Variants in LIFR observed in about 807,000 individuals in gnomAD.
LIFR encodes leukemia inhibitory factor receptor.
A neutral mutation model predicts 122.2 loss-of-function variants in LIFR; 84 were observed. That is an observed-to-expected ratio of 0.69 (90% CI 0.58 to 0.82). LIFR has a LOEUF of 0.82. LIFR is among the 40% of genes least tolerant of loss of function. The probability of loss-of-function intolerance (pLI) is 0.00; values close to 1 mark genes in which losing one functional copy is unlikely to be tolerated. For missense variants in LIFR, 1,294 were observed against 1,311.6 expected (o/e 0.99, Z 0.21); for synonymous variants, 422 against 434.7 (o/e 0.97, Z 0.36).
Position 38,475,583 on chromosome 5 carries a change from CTTAAA to C in LIFR, c.*6007_*6011del, listed in dbSNP as rs962404965. 5 of 187,940 alleles carry C rather than the reference CTTAAA, an allele frequency of 2.7e-5. No individual in the cohort carries two copies. Among genetic ancestry groups the C allele is most frequent in the African/African-American group, 1.2e-4 (5 of 42,934 alleles). 11.6% of individuals were successfully genotyped at this position (187,940 alleles called of 1,614,324 possible). Reference sequence around the variant, plus strand: ...AACAGTTACTAGTATTTATAAAAAACTTAAAATATTTAACATATAATACTCACTTT... The same window carrying C: ...AACAGTTACTAGTATTTATAAAAAACATATTTAACATATAATACTCACTTT... On this transcript the variant is annotated 3_prime_UTR_variant, in exon 20 of 20. Transcript: ENST00000453190.
At chr5:38,539,518 C>A (rs1580145170) in intron 1 of LIFR, among the ~76,000 whole-genome samples, 1 of 152,078 alleles carries the variant, frequency 6.6e-6, no homozygotes, top group African/African-American at 2.4e-5. Flanking sequence ...AAATAGAGTC[C>A]TCGGTGAGGA....
At chr5:38,485,565 A>G in intron 17 of LIFR, 1 of 544,946 alleles carries the variant, frequency 1.8e-6, no homozygotes, top group Non-Finnish European at 3.3e-6. Context: ...ATGACTTTAG[A>G]CCTCTAGACT....
In LIFR at chr5:38,541,886, A is replaced by C. The variant is rs191989154; in HGVS notation, c.-19-11220T>G. 9.5e-3 allele frequency among the ~76,000 whole-genome samples: 1,452 copies of C among 152,352 alleles called. 16 individuals are homozygous for C. Among genetic ancestry groups the C allele is most frequent in the Non-Finnish European group, 0.011 (774 of 68,038 alleles). On this transcript the variant is annotated intron_variant, in intron 1 of 19. Coordinates refer to ENST00000453190, the MANE Select transcript of LIFR (RefSeq NM_001127671.2). ...ATGGGAGGAGATATGATTTAGCAGC[A>C]ACACACGGGAAAACCACAAAAAAAG...
chr5:38,606,309 A>G (rs1216135426), intron 1 of LIFR: 1 of 152,228 alleles, frequency 6.6e-6, no homozygotes, highest in Admixed American at 6.5e-5. Flanking sequence ...GGGCAGGCCT[A>G]TCACATGGAG....
intron 1 of LIFR, chr5:38,579,595 C>A (rs988951179): frequency 3.9e-5 from 6 of 152,096 alleles, no homozygotes; most frequent in Admixed American, 1.3e-4. Flanking sequence ...GATTGTTTAA[C>A]CCCAAGTTTC....
At chr5:38,563,813 T>C (rs1748917247) in intron 1 of LIFR, among the ~76,000 whole-genome samples, 1 of 152,170 alleles carries the variant, frequency 6.6e-6, no homozygotes, top group Admixed American at 6.5e-5. Flanking sequence ...ACCATGGCAG[T>C]CTGGCTCCAA....
At position 38,479,920 on chromosome 5, in the gene LIFR, TC is replaced by T. The variant is rs1452072459; in HGVS notation, c.*1674del. ...GCATTTCATTCCAAATTTCCACAGA[TC>T]ATAAAGCTCAGAAATTTAGCTGAAT... is the stretch of plus-strand genomic sequence containing the variant. On this transcript the variant is annotated 3_prime_UTR_variant, in exon 20 of 20. Transcript: ENST00000453190. 1 of 224,998 alleles carries T rather than the reference TC, an allele frequency of 4.4e-6. No individual in the cohort carries two copies. Among genetic ancestry groups the T allele is most frequent in the Non-Finnish European group, 8.8e-6 (1 of 113,178 alleles). The allele number at this position is 224,998 out of a possible 1,614,324, so 13.9% of individuals were successfully genotyped here.
At chr5:38,592,758 T>C (rs1355684567) in intron 1 of LIFR, among the ~76,000 whole-genome samples, 2 of 152,198 alleles carry the variant, frequency 1.3e-5, no homozygotes, top group Admixed American at 1.3e-4. Flanking sequence ...AAACTAATAC[T>C]TTTAAAACTA....
At chr5:38,532,589 C>T (rs1419631980) in intron 1 of LIFR, among the ~76,000 whole-genome samples, 1 of 151,904 alleles carries the variant, frequency 6.6e-6, no homozygotes, top group Non-Finnish European at 1.5e-5. Flanking sequence ...GGATCAACGG[C>T]AGTGTCACTG....
intron 13 of LIFR, among the ~76,000 whole-genome samples, chr5:38,494,499 G>T (rs999228416): frequency 6.6e-6 from 1 of 152,054 alleles, no homozygotes; most frequent in Non-Finnish European, 1.5e-5. Context: ...GAAGACAGGC[G>T]CAGAGGCCCT....
intron 1 of LIFR, among the ~76,000 whole-genome samples, chr5:38,588,595 T>C (rs1749823983): frequency 6.6e-6 from 1 of 152,222 alleles, no homozygotes; most frequent in African/African-American, 2.4e-5. Context: ...GTTATGCAAT[T>C]TTGCTCAGAC....
intron 2 of LIFR, among the ~76,000 whole-genome samples, chr5:38,602,911 G>A (rs372147162): frequency 2.6e-5 from 4 of 152,146 alleles, no homozygotes; most frequent in South Asian, 2.1e-4. Flanking sequence ...CTGGGAATAC[G>A]CATTAAAAGA....
At chr5:38,535,054 T>C (rs773970656) in intron 1 of LIFR, among the ~76,000 whole-genome samples, 6 of 152,138 alleles carry the variant, frequency 3.9e-5, no homozygotes, top group Non-Finnish European at 7.4e-5. Context: ...TGGAAGCTAC[T>C]GCAGGACATG....
chr5:38,574,986 A>G (rs186018840), intron 1 of LIFR, among the ~76,000 whole-genome samples: 1 of 152,320 alleles, frequency 6.6e-6, no homozygotes, highest in East Asian at 1.9e-4. Context: ...TTTCACCAAA[A>G]GGCATGCACT....
At chr5:38,566,316 TTAAAA>T (rs748583400) in intron 1 of LIFR, among the ~76,000 whole-genome samples, 37 of 152,168 alleles carry the variant, frequency 2.4e-4, no homozygotes, top group African/African-American at 6.0e-4. Context: ...TGGCTCAAAG[TTAAAA>T]TAAAGTTTGC....
chr5:38,482,367 T>C lies in LIFR; in HGVS notation c.2671-149A>G, dbSNP rs992115207. On this transcript the variant is annotated intron_variant, in intron 19 of 19. Coordinates refer to ENST00000453190, the MANE Select transcript of LIFR (RefSeq NM_001127671.2). ...TTTCACACAACAGCACAGCCACTTT[T>C]TTCTTCCGTATCAGTATTTTCCTTG... The C allele has an allele frequency of 3.8e-5, 28 of 735,862 alleles. No individual in the cohort carries two copies. In the Admixed American group the frequency reaches 9.3e-4, roughly 24 times the overall value. 45.6% of individuals were successfully genotyped at this position (735,862 alleles called of 1,614,324 possible). A position where few individuals can be genotyped will look rare whatever the true frequency, so the allele number is the denominator to read the frequency against.
intron 1 of LIFR, chr5:38,530,950 G>T (rs1027601522): frequency 9.2e-6 from 3 of 326,720 alleles, no homozygotes; most frequent in South Asian, 3.9e-5. Context: ...TAAGCACATG[G>T]CTATCAACTC....
chr5:38,589,395 A>C (rs533411375), intron 1 of LIFR, among the ~76,000 whole-genome samples: 1 of 152,282 alleles, frequency 6.6e-6, no homozygotes, highest in Admixed American at 6.5e-5. Flanking sequence ...ATGAATATCA[A>C]AGTGAATGTT....
In LIFR at chr5:38,545,427, A is replaced by G. The variant is rs146741052; in HGVS notation, c.-20+10907T>C. ...AAATTAATCTAGAAGGATATGTAAC[A>G]ATGTTGCCTGGGGTTATCTCTGAAT... On this transcript the variant is annotated intron_variant, in intron 1 of 19. Transcript: ENST00000453190. Among the ~76,000 whole-genome samples, 826 of 152,294 alleles carry G rather than the reference A, an allele frequency of 5.4e-3. 2 individuals are homozygous for G. Among genetic ancestry groups the G allele is most frequent in the African/African-American group, 0.018 (736 of 41,558 alleles).
Sources: allele counts gnomAD v4.1 joint callset (sites outside exome capture counted in the v4.1 genomes callset), GRCh38; gene constraint gnomAD v4.1.1; transcripts MANE v1.5; gene names NCBI Gene and HGNC (gene_info 2026-07-23, HGNC 2026-07-21).